F11: variants seen among roughly 807,000 people sequenced by gnomAD.
F11 encodes coagulation factor XI.
Under a neutral mutation model 76.5 loss-of-function variants are expected in F11, and 78 were observed. The ratio of observed to expected loss-of-function variants is 1.02; its 90% confidence interval spans 0.85 to 1.23. The LOEUF (loss-of-function observed/expected upper bound fraction) is 1.23, where lower values mean the gene tolerates loss of function less well. F11 is among the 50% of genes most tolerant of loss of function. The pLI, the probability that F11 is intolerant of heterozygous loss-of-function variation, is 0.00. For missense variants in F11, 742 were observed against 771.4 expected (o/e 0.96, Z 0.45); for synonymous variants, 278 against 276.3 (o/e 1.01, Z -0.06).
chr4:186,276,309 T>A lies in F11; in HGVS notation c.674T>A (p.Val225Asp), dbSNP rs200117212. ...IDSVMAPDAFVCGRICTHHPG... is the reference protein window; with the variant it reads ...IDSVMAPDAFDCGRICTHHPG... Reference sequence around the variant, plus strand: ...AGTGTCATGGCTCCCGATGCTTTTGTCTGTGGCCGAATCTGCACTCATCAT... The same window carrying A: ...AGTGTCATGGCTCCCGATGCTTTTGACTGTGGCCGAATCTGCACTCATCAT... The change falls in exon 7 of 15, where the codon GTC becomes GAC. Residue 225 changes from valine to aspartate, a missense_variant. Coordinates refer to ENST00000403665, the MANE Select transcript of F11 (RefSeq NM_000128.4). The A allele has an allele frequency of 9.9e-6, 16 of 1,614,140 alleles. No individual in the cohort carries two copies. The Admixed American group carries it at 1.0e-4, about 10-fold the overall frequency.
At chr4:186,277,314 T>C (rs905155873) in intron 7 of F11, among the ~76,000 whole-genome samples, 5 of 152,248 alleles carry the variant, frequency 3.3e-5, no homozygotes, top group Admixed American at 6.5e-5. Flanking sequence ...CATTTGCTGA[T>C]AGACTCTTAG....
chr4:186,287,543 C>G (rs1741292516), intron 13 of F11, 141 bp from the exon 14 acceptor site: 1 of 253,590 alleles, frequency 3.9e-6, no homozygotes, highest in African/African-American at 2.3e-5. Flanking sequence ...GAGATTGCAC[C>G]ACTGCACTCC....
intron 13 of F11, 22 bp from the exon 14 acceptor site, chr4:186,287,662 G>A (rs143692107): frequency 1.9e-6 from 3 of 1,591,112 alleles, no homozygotes; most frequent in East Asian, 2.3e-5. Flanking sequence ...TTCTACAAAC[G>A]AACCAAAAAA....
intron 10 of F11, chr4:186,283,171 C>T: frequency 2.4e-6 from 1 of 424,832 alleles, no homozygotes; most frequent in South Asian, 9.8e-5. Flanking sequence ...GCTACACAGG[C>T]AACCCACAGG....
intron 5 of F11, chr4:186,274,535 T>C: frequency 2.1e-6 from 1 of 486,770 alleles, no homozygotes; most frequent in Non-Finnish European, 3.7e-6. Context: ...CGCTACACTT[T>C]TAAATTGGCA....
intron 12 of F11, 137 bp downstream of exon 12, chr4:186,285,950 G>A: frequency 1.0e-6 from 1 of 969,322 alleles, no homozygotes; most frequent in Non-Finnish European, 1.6e-6. Context: ...TGGAATGCTA[G>A]TCATTCACTC....
In F11 at chr4:186,283,732, G is replaced by A. The variant is rs4253857; in HGVS notation, c.1136-360G>A. 3.4e-3 allele frequency among the ~76,000 whole-genome samples: 512 copies of A among 152,322 alleles called. 4 individuals are homozygous for A. Among genetic ancestry groups the A allele is most frequent in the African/African-American group, 0.011 (459 of 41,574 alleles). On this transcript the variant is annotated intron_variant, in intron 10 of 14. Transcript: ENST00000403665. The stretch of plus-strand genomic sequence containing the variant: ...TCTCATTCACTGGATCTGAGGTTGG[G>A]CTGAAGAATGTGCATTTCTAACACG...
At chr4:186,284,323 G>A in intron 11 of F11, 63 bp downstream of exon 11, 1 of 1,368,754 alleles carries the variant, frequency 7.3e-7, no homozygotes, top group Non-Finnish European at 1.0e-6. Flanking sequence ...AATATTACTA[G>A]CATGTTAGGA....
chr4:186,276,370 A>G lies in F11; in HGVS notation c.735A>G (p.Glu245=). The G allele has an allele frequency of 6.2e-7, 1 of 1,613,688 alleles. No individual in the cohort carries two copies. The highest frequency in any genetic ancestry group is 8.5e-7 in the Non-Finnish European group (1 of 1,179,636). Reference sequence around the variant, plus strand: ...TGTTTTTTACCTTCTTTTCCCAGGAATGGCCCAAAGAATCTCAAAGGTAAG... The same window carrying G: ...TGTTTTTTACCTTCTTTTCCCAGGAGTGGCCCAAAGAATCTCAAAGGTAAG... ...GCLFFTFFSQ[E]WPKESQRNLC... Residue 245 remains glutamate, a synonymous_variant, in exon 7 of 15, where the codon GAA becomes GAG. Coordinates refer to ENST00000403665, the MANE Select transcript of F11 (RefSeq NM_000128.4).
intron 2 of F11, among the ~76,000 whole-genome samples, chr4:186,270,664 CA>C (rs1739876751): frequency 1.3e-5 from 2 of 152,014 alleles, no homozygotes; most frequent in Admixed American, 6.5e-5. Flanking sequence ...CACACACACA[CA>C]CACAGAACAC....
intron 10 of F11, chr4:186,283,158 A>G (rs1034100633): frequency 1.7e-6 from 1 of 597,212 alleles, no homozygotes; most frequent in Admixed American, 6.3e-5. Context: ...CTGCATTTTG[A>G]AAGCTACACA....
In F11 at chr4:186,267,176, A is replaced by T; in HGVS notation, c.40A>T (p.Thr14Ser). ...TCAAGTGGTACATTTCATTTTATTT[A>T]CTTCAGTTTCTGGTGGTAAGTAGAG... Reference protein sequence around the residue: ...LYQVVHFILFTSVSGECVTQL... With the variant: ...LYQVVHFILFSSVSGECVTQL... Residue 14 changes from threonine to serine, a missense_variant, in exon 2 of 15, where the codon ACT becomes TCT. Thr to Ser is a moderately conservative substitution (Grantham distance 58, BLOSUM62 1). Transcript: ENST00000403665. 1 of 1,578,768 alleles carries T rather than the reference A, an allele frequency of 6.3e-7. No homozygotes were observed. Among genetic ancestry groups the T allele is most frequent in the Non-Finnish European group, 8.7e-7 (1 of 1,147,900 alleles).
Position 186,280,372 on chromosome 4 carries a change from T to C in F11, c.1015T>C (p.Cys339Arg). ...TACCTATACCCCAGCCCAAGCATCC[T>C]GCAACGAAGGGAAGTAAGCCATATG... ...FFTYTPAQAS[C>R]NEGKGKCYLK... The change falls in exon 9 of 15, where the codon TGC (cysteine) becomes CGC (arginine). Residue 339 changes from cysteine to arginine, a missense_variant. By Grantham distance (180) the Cys-to-Arg change is radical. Coordinates refer to ENST00000403665, the MANE Select transcript of F11 (RefSeq NM_000128.4). 6.2e-7 allele frequency: 1 copy of C among 1,614,232 alleles called. No homozygotes were observed. Among genetic ancestry groups the C allele is most frequent in the South Asian group, 1.1e-5 (1 of 91,088 alleles).
Position 186,280,388 on chromosome 4 carries a change from A to G in F11, c.1028+3A>G, listed in dbSNP as rs1231923407. ...CAAGCATCCTGCAACGAAGGGAAGT[A>G]AGCCATATGAAGGGTTATGCAGACA... On this transcript the variant is annotated splice_donor_region_variant and intron_variant, in intron 9 of 14. Coordinates refer to ENST00000403665, the MANE Select transcript of F11 (RefSeq NM_000128.4). 2.5e-6 allele frequency: 4 copies of G among 1,614,218 alleles called. No individual in the cohort carries two copies. Among genetic ancestry groups the G allele is most frequent in the Admixed American group, 3.3e-5 (2 of 60,028 alleles).
chr4:186,276,222 G>A lies in F11; in HGVS notation c.596-9G>A, dbSNP rs377045427. ...ATTGAGTCCCTGACATAGTTCTTCC[G>A]TCGCGCAGCTTGTATTAGGGACATT... On this transcript the variant is annotated splice_polypyrimidine_tract_variant and intron_variant, in intron 6 of 14. Transcript: ENST00000403665. 60 of 1,613,924 alleles carry A rather than the reference G, an allele frequency of 3.7e-5. No individual in the cohort carries two copies. Among genetic ancestry groups the A allele is most frequent in the South Asian group, 2.4e-4 (22 of 91,088 alleles).
chr4:186,286,290 A>C, intron 12 of F11, 125 bp from the exon 13 acceptor site: 1 of 980,302 alleles, frequency 1.0e-6, no homozygotes, highest in Non-Finnish European at 1.6e-6. Context: ...ATACACGACA[A>C]CAAGGCAAAA....
intron 5 of F11, 130 bp downstream of exon 5, chr4:186,274,405 CT>C: frequency 9.0e-7 from 1 of 1,115,914 alleles, no homozygotes; most frequent in Non-Finnish European, 1.3e-6. Flanking sequence ...AATAGTACTC[CT>C]AGTTTTCTTC....
intron 10 of F11, chr4:186,282,502 G>A (rs1407135830): frequency 1.0e-6 from 1 of 985,106 alleles, no homozygotes; most frequent in African/African-American, 1.7e-5. Flanking sequence ...ATAGATAGCA[G>A]CACCATTAAA....
At chr4:186,284,023 C>A in intron 10 of F11, 69 bp from the exon 11 acceptor site, 16 of 1,611,998 alleles carry the variant, frequency 9.9e-6, no homozygotes, top group Non-Finnish European at 1.4e-5. Flanking sequence ...CTTCTTGTTC[C>A]TGAAGGAGCA....
Sources: allele counts gnomAD v4.1 joint callset (sites outside exome capture counted in the v4.1 genomes callset), GRCh38; gene constraint gnomAD v4.1.1; transcripts MANE v1.5; gene names NCBI Gene and HGNC (gene_info 2026-07-23, HGNC 2026-07-21).